ARID1B: variants seen among roughly 807,000 people sequenced by gnomAD.
ARID1B encodes AT-rich interaction domain 1B.
Under a neutral mutation model 212.3 loss-of-function variants are expected in ARID1B, and 30 were observed. That is an observed-to-expected ratio of 0.14 (90% CI 0.11 to 0.19). ARID1B has a LOEUF of 0.19. ARID1B is among the 10% of genes least tolerant of loss of function. The pLI, the probability that ARID1B is intolerant of heterozygous loss-of-function variation, is 1.00. For synonymous variants in ARID1B, 1,402 were observed against 1,301.7 expected (o/e 1.08, Z -1.66); for missense variants, 2,891 against 3,204.0 (o/e 0.90, Z 2.36).
chr6:157,144,114 T>C (rs977329367), intron 7 of ARID1B, among the ~76,000 whole-genome samples: 1 of 152,156 alleles, frequency 6.6e-6, no homozygotes, highest in African/African-American at 2.4e-5. Flanking sequence ...ATAACATGAG[T>C]GAGAGATGGA....
chr6:156,839,608 C>T (rs182249132), intron 2 of ARID1B, among the ~76,000 whole-genome samples: 225 of 152,316 alleles, frequency 1.5e-3, no homozygotes, highest in African/African-American at 5.2e-3. Context: ...ATTCTTCTTC[C>T]TCCTTGGCGT....
At chr6:156,925,350 A>G (rs1582960343) in intron 3 of ARID1B, among the ~76,000 whole-genome samples, 1 of 152,090 alleles carries the variant, frequency 6.6e-6, no homozygotes, top group South Asian at 2.1e-4. Context: ...TCCTTTTTCT[A>G]GAATGGTTTT....
chr6:156,856,011 C>T (rs1248873926), intron 2 of ARID1B, among the ~76,000 whole-genome samples: 2 of 152,134 alleles, frequency 1.3e-5, no homozygotes, highest in Non-Finnish European at 2.9e-5. Flanking sequence ...TATAACTCTT[C>T]GTGTGGACTG....
chr6:157,140,818 G>C, intron 7 of ARID1B: 1 of 395,502 alleles, frequency 2.5e-6, no homozygotes, highest in South Asian at 1.4e-4. Context: ...CCCGGGAGAG[G>C]CAGCGGCCTT....
At chr6:157,143,247 C>T (rs1350951497) in intron 7 of ARID1B, among the ~76,000 whole-genome samples, 2 of 152,234 alleles carry the variant, frequency 1.3e-5, no homozygotes, top group East Asian at 1.9e-4. Context: ...CAGCATCTGC[C>T]GCCTTCATTG....
intron 3 of ARID1B, among the ~76,000 whole-genome samples, chr6:156,934,195 T>C (rs1791971159): frequency 6.6e-6 from 1 of 152,226 alleles, no homozygotes; most frequent in Admixed American, 6.5e-5. Flanking sequence ...AATTAGAAAC[T>C]GGTTCTTCAA....
intron 19 of ARID1B, chr6:157,205,499 TAG>T (rs2128388999): frequency 1.3e-5 from 2 of 152,366 alleles, no homozygotes; most frequent in East Asian, 3.9e-4. Context: ...GCCTTTCAGC[TAG>T]AGTCATAAAT....
At position 156,880,185 on chromosome 6, in the gene ARID1B, T is replaced by C. The variant is rs1010694662; in HGVS notation, c.1987-21191T>C. ...CTTAGTGTGAGCAAATGACCAGTCG[T>C]TTAGTAGAGCGGGTCAAAGGAAAAG... is the stretch of plus-strand genomic sequence containing the variant. On this transcript the variant is annotated intron_variant, in intron 2 of 19. Transcript: ENST00000636930. Among the ~76,000 whole-genome samples, 10 of 152,130 alleles carry C rather than the reference T, an allele frequency of 6.6e-5. No individual in the cohort carries two copies. The South Asian group carries it at 2.1e-3, about 32-fold the overall frequency.
chr6:156,973,100 T>C (rs570814225), intron 4 of ARID1B, among the ~76,000 whole-genome samples: 8 of 152,322 alleles, frequency 5.3e-5, no homozygotes, highest in Admixed American at 2.0e-4. Flanking sequence ...CCTAAGACTT[T>C]GTGCCGTGCA....
At position 157,207,030 on chromosome 6, in the gene ARID1B, C is replaced by G. The variant is rs781082506; in HGVS notation, c.6258C>G (p.Ala2086=). 3.7e-6 allele frequency: 6 copies of G among 1,614,014 alleles called. No individual in the cohort carries two copies. The highest frequency in any genetic ancestry group is 1.3e-5 in the African/African-American group (1 of 74,882). ...RSLSFVPGND[A]EMSKHPGLVL... ...TGTCATTCGTGCCTGGCAATGATGC[C>G]GAAATGTCCAAACATCCAGGCCTGG... The change falls in exon 20 of 20, where the codon GCC becomes GCG. Residue 2086 remains alanine (A), a synonymous_variant. Transcript: ENST00000636930. This position sits in a 1 kb window ranked among gnomAD's most constrained non-coding sequence, Gnocchi z 8.5.
rs747822132 is a variant in ARID1B, at chr6:157,190,737, C to A, written c.4231+527C>A. Reference sequence around the variant, plus strand: ...TGCCTTCTTACTTCCTGGGAGGAAGCAAAAAATAAGTTAAGCACAAATAAG... The same window carrying A: ...TGCCTTCTTACTTCCTGGGAGGAAGAAAAAAATAAGTTAAGCACAAATAAG... On this transcript the variant is annotated intron_variant, in intron 15 of 19. Transcript: ENST00000636930. This position sits in a 1 kb window ranked among gnomAD's most constrained non-coding sequence, Gnocchi z 4.6. Among the ~76,000 whole-genome samples, 14 of 152,064 alleles carry A rather than the reference C, an allele frequency of 9.2e-5. No homozygotes were observed. The highest frequency in any genetic ancestry group is 1.6e-4 in the Non-Finnish European group (11 of 68,004).
chr6:157,108,920 T>A (rs1013765645), intron 5 of ARID1B, among the ~76,000 whole-genome samples: 6 of 152,186 alleles, frequency 3.9e-5, no homozygotes, highest in African/African-American at 1.4e-4. Flanking sequence ...GAGTGGCAGT[T>A]ACACACTCAG....
At chr6:156,934,649 T>C (rs1395534555) in intron 3 of ARID1B, among the ~76,000 whole-genome samples, 1 of 152,038 alleles carries the variant, frequency 6.6e-6, no homozygotes, top group Non-Finnish European at 1.5e-5. Flanking sequence ...ATGTGGGTAA[T>C]TGAGAGGACC....
rs1402848701 is a variant in ARID1B at position 157,201,746 on chromosome 6, C to G, written c.5263+258C>G. On this transcript the variant is annotated intron_variant, in intron 18 of 19. Coordinates refer to ENST00000636930, the MANE Select transcript of ARID1B (RefSeq NM_001374828.1). The surrounding 1 kb of genome is among the most constrained non-coding windows in gnomAD (Gnocchi z 5.2). Reference sequence around the variant, plus strand: ...CTTTGGGAGGCCCAGGCGGGTGGATCACGAGGTCACGAGATCGAGACCATC... The same window carrying G: ...CTTTGGGAGGCCCAGGCGGGTGGATGACGAGGTCACGAGATCGAGACCATC... Among the ~76,000 whole-genome samples the G allele has an allele frequency of 1.3e-5, 2 of 152,130 alleles. No homozygotes were observed. Among genetic ancestry groups the G allele is most frequent in the African/African-American group, 4.8e-5 (2 of 41,416 alleles).
At chr6:156,788,655 T>G (rs2781802) in intron 1 of ARID1B, among the ~76,000 whole-genome samples, 1 of 152,118 alleles carries the variant, frequency 6.6e-6, no homozygotes, top group Non-Finnish European at 1.5e-5. Context: ...GTTTGCTTCA[T>G]CTTCACTGAA....
At chr6:156,804,018 G>A (rs1015540296) in intron 1 of ARID1B, among the ~76,000 whole-genome samples, 2 of 152,040 alleles carry the variant, frequency 1.3e-5, no homozygotes, top group Admixed American at 6.6e-5. Flanking sequence ...GAATTGCCTG[G>A]TATGATGGAG....
At chr6:156,996,294 G>A (rs1298795502) in intron 4 of ARID1B, among the ~76,000 whole-genome samples, 1 of 152,162 alleles carries the variant, frequency 6.6e-6, no homozygotes, top group Non-Finnish European at 1.5e-5. Flanking sequence ...TTTTCCTGCA[G>A]CGAGGTCATG....
intron 5 of ARID1B, among the ~76,000 whole-genome samples, chr6:157,087,453 T>C (rs565553639): frequency 3.3e-5 from 5 of 152,318 alleles, no homozygotes; most frequent in Admixed American, 6.5e-5. Context: ...TCTGTAAAGA[T>C]GATAACCCCA....
chr6:156,989,128 A>C (rs1011639781), intron 4 of ARID1B, among the ~76,000 whole-genome samples: 5 of 152,046 alleles, frequency 3.3e-5, no homozygotes, highest in African/African-American at 1.2e-4. Context: ...TTTTGGATTT[A>C]ACTTCTTGGC....
Sources: allele counts gnomAD v4.1 joint callset (sites outside exome capture counted in the v4.1 genomes callset), GRCh38; gene constraint gnomAD v4.1.1; non-coding constraint Gnocchi (gnomAD v3.1); transcripts MANE v1.5; gene names NCBI Gene and HGNC (gene_info 2026-07-23, HGNC 2026-07-21).